Variants in UGT1A10 observed in about 807,000 individuals in gnomAD.
The protein encoded by UGT1A10 is UDP-glucuronosyltransferase 1A10.
A neutral mutation model predicts 45.8 loss-of-function variants in UGT1A10; 49 were observed. The observed-to-expected ratio is 1.07, with a 90% CI of 0.85 to 1.36. The LOEUF is 1.36. Ranked by LOEUF, UGT1A10 falls within the 40% of genes most tolerant of loss-of-function variation. The pLI is 0.00. For synonymous variants in UGT1A10, 284 were observed against 249.7 expected, an observed-to-expected ratio of 1.14 and a Z score of -1.29; for missense variants, 745 against 668.6, an observed-to-expected ratio of 1.11 and a Z score of -1.26.
chr2:233,689,700 TC>T (rs979532238), intron 1 of UGT1A10, among the ~76,000 whole-genome samples: 4 of 152,142 alleles, frequency 2.6e-5, no homozygotes, highest in African/African-American at 9.7e-5. Flanking sequence ...AGTCGTTATT[TC>T]CCCTTATCTG....
intron 1 of UGT1A10, chr2:233,718,661 A>C: frequency 6.5e-7 from 1 of 1,533,598 alleles, no homozygotes; most frequent in Non-Finnish European, 8.8e-7. Flanking sequence ...AAAGGCAGTT[A>C]TAGATTAATG....
At chr2:233,707,920 A>C (rs1233939491) in intron 1 of UGT1A10, among the ~76,000 whole-genome samples, 2 of 152,212 alleles carry the variant, frequency 1.3e-5, no homozygotes. Context: ...TGAGGGTTTT[A>C]AAATATACTT....
chr2:233,725,005 C>G (rs1205607932), intron 1 of UGT1A10, among the ~76,000 whole-genome samples: 2 of 147,300 alleles, frequency 1.4e-5, no homozygotes, highest in Non-Finnish European at 3.0e-5. Flanking sequence ...GAGACCGGCC[C>G]GGCCAAACAG....
intron 1 of UGT1A10, among the ~76,000 whole-genome samples, chr2:233,750,277 G>A (rs1168754564): frequency 6.6e-6 from 1 of 151,936 alleles, no homozygotes; most frequent in Non-Finnish European, 1.5e-5. Context: ...TTAGCAAAGA[G>A]ACTGGTGGCA....
intron 1 of UGT1A10, chr2:233,649,163 C>A: frequency 2.1e-6 from 1 of 485,270 alleles, no homozygotes; most frequent in Non-Finnish European, 3.1e-6. Flanking sequence ...TATTTTGTGC[C>A]ATCCACGTGT....
intron 1 of UGT1A10, among the ~76,000 whole-genome samples, chr2:233,742,351 C>G (rs1691948026): frequency 6.6e-6 from 1 of 151,962 alleles, no homozygotes; most frequent in South Asian, 2.1e-4. Flanking sequence ...GGCTAATTAT[C>G]TGCAGCAGAA....
At chr2:233,705,546 T>C (rs1018965225) in intron 1 of UGT1A10, among the ~76,000 whole-genome samples, 10 of 152,198 alleles carry the variant, frequency 6.6e-5, no homozygotes, top group African/African-American at 2.4e-4. Context: ...GAAGAGCAGC[T>C]GGTGATATTG....
chr2:233,765,938 G>C (rs1244987830), intron 1 of UGT1A10, among the ~76,000 whole-genome samples: 1 of 152,062 alleles, frequency 6.6e-6, no homozygotes, highest in Non-Finnish European at 1.5e-5. Context: ...AGGTTGTGGG[G>C]CTCTGACCTC....
At chr2:233,681,446 G>C (rs767589751) in intron 1 of UGT1A10, among the ~76,000 whole-genome samples, 1 of 144,682 alleles carries the variant, frequency 6.9e-6, no homozygotes, top group South Asian at 2.2e-4. Flanking sequence ...CAGGAGAATC[G>C]TTTGAACCCA....
intron 1 of UGT1A10, among the ~76,000 whole-genome samples, chr2:233,703,893 C>G (rs7567229): frequency 6.6e-6 from 1 of 151,246 alleles, no homozygotes; most frequent in African/African-American, 2.4e-5. Flanking sequence ...TCATTTTTTT[C>G]TTTTCTTTTT....
chr2:233,760,682 A>G lies in UGT1A10; in HGVS notation c.856-6352A>G. On this transcript the variant is annotated intron_variant, in intron 1 of 4. Transcript: ENST00000344644. ...TTGTCTGGCTGTTCCCACTTACTGC[A>G]CAACAAGGAGCTCATGGCCTCCCTG... The G allele has an allele frequency of 6.2e-7, 1 of 1,614,208 alleles. No homozygotes were observed. The highest frequency in any genetic ancestry group is 1.1e-5 in the South Asian group (1 of 91,088).
intron 1 of UGT1A10, among the ~76,000 whole-genome samples, chr2:233,746,990 A>G (rs971804174): frequency 6.6e-6 from 1 of 151,860 alleles, no homozygotes. Context: ...GCAGGGTCAG[A>G]TGAGTTTTTC....
chr2:233,664,041 C>CA (rs2074028286), intron 1 of UGT1A10, among the ~76,000 whole-genome samples: 2 of 152,148 alleles, frequency 1.3e-5, no homozygotes, highest in South Asian at 4.1e-4. Flanking sequence ...TACCCTAGGT[C>CA]ATCACTCTCA....
intron 1 of UGT1A10, among the ~76,000 whole-genome samples, chr2:233,669,164 G>A (rs1234220499): frequency 1.3e-5 from 2 of 152,060 alleles, no homozygotes; most frequent in African/African-American, 2.4e-5. Flanking sequence ...CTATTTCTGG[G>A]TATTCTATTC....
At chr2:233,713,574 C>G in intron 1 of UGT1A10, 2 of 1,613,974 alleles carry the variant, frequency 1.2e-6, no homozygotes, top group Non-Finnish European at 1.7e-6. Context: ...CTCCTATATT[C>G]CTAGATTACT....
At chr2:233,656,340 GTCT>G (rs2073852906) in intron 1 of UGT1A10, among the ~76,000 whole-genome samples, 1 of 152,186 alleles carries the variant, frequency 6.6e-6, no homozygotes. Flanking sequence ...CCAGTCACTG[GTCT>G]TCTTACCAGG....
intron 1 of UGT1A10, among the ~76,000 whole-genome samples, chr2:233,762,537 C>T (rs1182921904): frequency 4.6e-5 from 7 of 152,180 alleles, no homozygotes; most frequent in African/African-American, 1.7e-4. Flanking sequence ...ACTTGTGTAC[C>T]ACAGTGTATT....
intron 1 of UGT1A10, among the ~76,000 whole-genome samples, chr2:233,704,256 C>CTTTTTTTTT (rs59925871): frequency 4.0e-5 from 5 of 123,674 alleles, no homozygotes; most frequent in African/African-American, 6.5e-5. Flanking sequence ...GCCTTTATTG[C>CTTTTTTTTT]TTTTTTTTTT....
At chr2:233,760,630 A>G (rs759620086) in intron 1 of UGT1A10, 1 of 1,614,164 alleles carries the variant, frequency 6.2e-7, no homozygotes, top group South Asian at 1.1e-5. Flanking sequence ...AACATACAAG[A>G]AAATAAAAAA....
Sources: allele counts gnomAD v4.1 joint callset (sites outside exome capture counted in the v4.1 genomes callset), GRCh38; gene constraint gnomAD v4.1.1; transcripts MANE v1.5; gene names NCBI Gene and HGNC (gene_info 2026-07-23, HGNC 2026-07-21).